WWOX: variants seen among roughly 807,000 people sequenced by gnomAD.
The protein encoded by WWOX is WW domain containing oxidoreductase, also known as WW domain-containing oxidoreductase.
Under a neutral mutation model 46.2 loss-of-function variants are expected in WWOX, and 69 were observed. The observed-to-expected ratio is 1.49, with a 90% CI of 1.23 to 1.82. The LOEUF (loss-of-function observed/expected upper bound fraction) is 1.82, where lower values mean the gene tolerates loss of function less well. Ranked by LOEUF, WWOX falls within the 40% of genes most tolerant of loss-of-function variation. The pLI, the probability that WWOX is intolerant of heterozygous loss-of-function variation, is 0.00. For missense variants in WWOX, 919 were observed against 542.6 expected (o/e 1.69, Z -6.89); for synonymous variants, 359 against 202.6 (o/e 1.77, Z -6.56).
chr16:78,246,474 A>G (rs991269277), intron 5 of WWOX, among the ~76,000 whole-genome samples: 4 of 152,186 alleles, frequency 2.6e-5, no homozygotes, highest in African/African-American at 9.7e-5. Context: ...CCCCTCATAA[A>G]ACAGTTAACA....
intron 5 of WWOX, among the ~76,000 whole-genome samples, chr16:78,273,460 C>G (rs1264266053): frequency 6.6e-6 from 1 of 152,186 alleles, no homozygotes; most frequent in East Asian, 1.9e-4. Flanking sequence ...ATGCAGAGAA[C>G]TCATTCACTC....
intron 8 of WWOX, among the ~76,000 whole-genome samples, chr16:78,689,682 C>G (rs1012955478): frequency 3.3e-5 from 5 of 152,190 alleles, no homozygotes; most frequent in African/African-American, 1.2e-4. Flanking sequence ...ATCCACTGAC[C>G]CTCCCACTCC....
At chr16:79,195,091 C>T (rs545978655) in intron 8 of WWOX, among the ~76,000 whole-genome samples, 16 of 152,170 alleles carry the variant, frequency 1.1e-4, no homozygotes, top group African/African-American at 3.9e-4. Flanking sequence ...TGTGAGCATA[C>T]CCGTATCTCA....
chr16:78,851,619 C>T (rs1381508922), intron 8 of WWOX, among the ~76,000 whole-genome samples: 2 of 152,204 alleles, frequency 1.3e-5, no homozygotes, highest in African/African-American at 4.8e-5. Context: ...TTTGTCCAAC[C>T]TAGGACAGTG....
intron 8 of WWOX, among the ~76,000 whole-genome samples, chr16:78,533,119 G>A (rs1567626763): frequency 1.3e-5 from 2 of 152,106 alleles, no homozygotes; most frequent in Non-Finnish European, 1.5e-5. Flanking sequence ...TCCTCCCAGT[G>A]CCTCTCAATG....
At chr16:78,464,046 A>C (rs574115481) in intron 8 of WWOX, among the ~76,000 whole-genome samples, 1 of 152,138 alleles carries the variant, frequency 6.6e-6, no homozygotes, top group South Asian at 2.1e-4. Context: ...TGTAGAGGAG[A>C]TGAAGCTGAT....
chr16:78,693,482 T>A (rs2048033850), intron 8 of WWOX, among the ~76,000 whole-genome samples: 1 of 152,196 alleles, frequency 6.6e-6, no homozygotes, highest in African/African-American at 2.4e-5. Flanking sequence ...ACATAATCCC[T>A]AACCATGATA....
At chr16:78,460,276 C>T (rs890714880) in intron 8 of WWOX, among the ~76,000 whole-genome samples, 2 of 152,148 alleles carry the variant, frequency 1.3e-5, no homozygotes, top group African/African-American at 2.4e-5. Context: ...TGCAGGCATG[C>T]ACCACCACAC....
chr16:78,572,986 G>C (rs1450437779), intron 8 of WWOX, among the ~76,000 whole-genome samples: 1 of 152,066 alleles, frequency 6.6e-6, no homozygotes, highest in Non-Finnish European at 1.5e-5. Flanking sequence ...GCTTCCTGTA[G>C]TAAAAATTAA....
chr16:79,011,475 A>ATTTATTTG (rs2047307977), intron 8 of WWOX, among the ~76,000 whole-genome samples: 1 of 144,622 alleles, frequency 6.9e-6, no homozygotes, highest in African/African-American at 2.6e-5. Flanking sequence ...TTATTTATTT[A>ATTTATTTG]TTTATTTATT....
intron 5 of WWOX, among the ~76,000 whole-genome samples, chr16:78,198,897 G>T (rs933006352): frequency 3.9e-5 from 6 of 152,120 alleles, no homozygotes; most frequent in Non-Finnish European, 5.9e-5. Context: ...TGCTCTGGGA[G>T]TTCTTTACTC....
At chr16:79,193,577 C>T (rs996192688) in intron 8 of WWOX, among the ~76,000 whole-genome samples, 12 of 152,252 alleles carry the variant, frequency 7.9e-5, no homozygotes, top group Middle Eastern at 3.4e-3. Flanking sequence ...CATCCATCTG[C>T]GTGGTCTCTG....
chr16:78,839,362 C>T (rs914292051), intron 8 of WWOX, among the ~76,000 whole-genome samples: 4 of 152,098 alleles, frequency 2.6e-5, no homozygotes, highest in East Asian at 1.9e-4. Flanking sequence ...CCAACCTTTT[C>T]ATGTCCTCAG....
chr16:78,758,616 G>A (rs1389583832), intron 8 of WWOX, among the ~76,000 whole-genome samples: 1 of 152,112 alleles, frequency 6.6e-6, no homozygotes. Context: ...TTTCTTTTTA[G>A]CTTGTCCTTC....
At chr16:79,041,879 A>C (rs895385057) in intron 8 of WWOX, among the ~76,000 whole-genome samples, 1 of 151,832 alleles carries the variant, frequency 6.6e-6, no homozygotes, top group Non-Finnish European at 1.5e-5. Flanking sequence ...CCTTTCTCAC[A>C]CGTGTTTAGA....
intron 8 of WWOX, among the ~76,000 whole-genome samples, chr16:78,958,747 A>G (rs1195279757): frequency 1.3e-5 from 2 of 152,360 alleles, no homozygotes; most frequent in Non-Finnish European, 1.5e-5. Context: ...TTGATGAAAT[A>G]TACCAAGTCG....
chr16:78,609,611 G>A (rs138495347), intron 8 of WWOX, among the ~76,000 whole-genome samples: 1,630 of 151,438 alleles, frequency 0.011, 12 homozygotes, highest in Non-Finnish European at 0.018. Context: ...GCTTCACCAG[G>A]CAGGCTCTTG....
In WWOX at chr16:78,901,783, C is replaced by G. The variant is rs147848489; in HGVS notation, c.1057-309825C>G. The stretch of plus-strand genomic sequence containing the variant: ...GGATTACAGGCGTGAGCCACTGCGC[C>G]TAGCGAGGTAGTCAGTGTTCTAAAC... On this transcript the variant is annotated intron_variant, in intron 8 of 8. Coordinates refer to ENST00000566780, the MANE Select transcript of WWOX (RefSeq NM_016373.4). Among the ~76,000 whole-genome samples, 269 of 152,342 alleles carry G rather than the reference C, an allele frequency of 1.8e-3. 1 individual carries two copies. Among genetic ancestry groups the G allele is most frequent in the Non-Finnish European group, 3.0e-3 (204 of 68,038 alleles).
intron 8 of WWOX, among the ~76,000 whole-genome samples, chr16:78,955,417 C>G (rs1291192673): frequency 6.6e-6 from 1 of 152,132 alleles, no homozygotes; most frequent in Non-Finnish European, 1.5e-5. Flanking sequence ...GTGAGTTATT[C>G]AGAGTCCCAG....
Sources: gnomAD v4.1 joint callset for allele counts (sites outside exome capture counted in the v4.1 genomes callset) on GRCh38, gnomAD v4.1.1 for gene constraint, MANE v1.5 for transcripts, NCBI Gene and HGNC (gene_info 2026-07-23, HGNC 2026-07-21) for gene names.